Variants in LYPLA1 observed in about 807,000 individuals in gnomAD.
The protein encoded by LYPLA1 is acyl-protein thioesterase 1.
In LYPLA1, 17 loss-of-function variants were observed where a neutral mutation model predicts 34.0. The observed-to-expected ratio is 0.50, with a 90% CI of 0.34 to 0.75. The LOEUF is 0.75. Among genes scored for constraint, LYPLA1 ranks in the 30% least tolerant of loss-of-function variants. The pLI is 0.01. For synonymous variants in LYPLA1, 98 were observed against 100.8 expected (o/e 0.97, Z 0.17); for missense variants, 203 against 288.8 (o/e 0.70, Z 2.15).
intron 2 of LYPLA1, among the ~76,000 whole-genome samples, chr8:54,091,708 G>C (rs1239113150): frequency 6.6e-6 from 1 of 152,106 alleles, no homozygotes; most frequent in African/African-American, 2.4e-5. Flanking sequence ...CTAAAAGTGT[G>C]GTCACAGACA....
At chr8:54,043,542 G>C (rs530122591), downstream of LYPLA1, among the ~76,000 whole-genome samples, 142 of 151,610 alleles carry the variant, frequency 9.4e-4, no homozygotes, top group African/African-American at 3.3e-3. Flanking sequence ...CCAAAGTGCT[G>C]GGGAAACAGG....
chr8:54,062,379 G>A, intron 4 of LYPLA1, 55 bp from the exon 5 acceptor site: 1 of 1,116,586 alleles, frequency 9.0e-7, no homozygotes, highest in Non-Finnish European at 1.3e-6. Context: ...ATTGTAGTAA[G>A]TATATTTTAC....
At chr8:54,063,934 A>C (rs1359699573) in intron 3 of LYPLA1, among the ~76,000 whole-genome samples, 1 of 152,228 alleles carries the variant, frequency 6.6e-6, no homozygotes, top group Non-Finnish European at 1.5e-5. Context: ...AGCTCCATCC[A>C]AAGGAAAGAA....
At chr8:54,101,306 T>A in intron 1 of LYPLA1, 1 of 1,073,014 alleles carries the variant, frequency 9.3e-7, no homozygotes, top group Non-Finnish European at 1.1e-6. Context: ...AAAAATAAGT[T>A]TGACTTTTCA....
intron 8 of LYPLA1, among the ~76,000 whole-genome samples, chr8:54,049,073 C>G (rs576233434): frequency 6.6e-6 from 1 of 152,298 alleles, no homozygotes; most frequent in East Asian, 1.9e-4. Context: ...TTTCTGGATT[C>G]AACACTGTAA....
Position 54,047,950 on chromosome 8 carries a change from T to C in LYPLA1, c.*115A>G. 1.5e-6 allele frequency: 1 copy of C among 664,416 alleles called. No homozygotes were observed. Among genetic ancestry groups the C allele is most frequent in the South Asian group, 2.0e-5 (1 of 51,028 alleles). 41.2% of individuals were successfully genotyped at this position (664,416 alleles called of 1,614,324 possible). ...TTGATCTGTGTTATTGGCATGTATT[T>C]GCAAAACATTTTAACACTGCAAAAC... On this transcript the variant is annotated 3_prime_UTR_variant, in exon 9 of 9. Coordinates refer to ENST00000316963, the MANE Select transcript of LYPLA1 (RefSeq NM_006330.4).
intron 5 of LYPLA1, among the ~76,000 whole-genome samples, chr8:54,055,645 A>AT (rs201781407): frequency 0.13 from 18,382 of 142,206 alleles, 2,853 homozygotes; most frequent in African/African-American, 0.38. Flanking sequence ...AATCCTAATT[A>AT]TTTTTTTTTT....
chr8:54,077,417 A>C (rs549691671), intron 2 of LYPLA1, among the ~76,000 whole-genome samples: 38 of 152,296 alleles, frequency 2.5e-4, no homozygotes, highest in African/African-American at 7.2e-4. Context: ...TGGGTGACAA[A>C]ATTATCTGTA....
Position 54,053,908 on chromosome 8 carries a change from G to A in LYPLA1, c.360+1152C>T, listed in dbSNP as rs117357534. Among the ~76,000 whole-genome samples the A allele has an allele frequency of 1.7e-3, 257 of 152,300 alleles. 1 individual carries two copies. The highest frequency in any genetic ancestry group is 1.8e-3 in the Non-Finnish European group (120 of 68,032). On this transcript the variant is annotated intron_variant, in intron 6 of 8. Coordinates refer to ENST00000316963, the MANE Select transcript of LYPLA1 (RefSeq NM_006330.4). ...GCTTACTCCTTGCTTGAGGTATTGAGTTGGTTTCTATATACTGTAATGAAT... is the reference window on the plus strand; with the variant it reads ...GCTTACTCCTTGCTTGAGGTATTGAATTGGTTTCTATATACTGTAATGAAT...
At chr8:54,098,711 A>C (rs1309187180) in intron 2 of LYPLA1, among the ~76,000 whole-genome samples, 6 of 152,188 alleles carry the variant, frequency 3.9e-5, no homozygotes, top group Non-Finnish European at 8.8e-5. Flanking sequence ...ATAAAAAAGA[A>C]TGGTGTACAA....
intron 2 of LYPLA1, chr8:54,073,208 C>G (rs1261325239): frequency 3.8e-6 from 3 of 790,692 alleles, no homozygotes; most frequent in Non-Finnish European, 6.9e-6. Flanking sequence ...CAACTTGTGC[C>G]GCCCAGGGAG....
At chr8:54,051,881 T>G (rs1162050299) in intron 7 of LYPLA1, among the ~76,000 whole-genome samples, 1 of 151,796 alleles carries the variant, frequency 6.6e-6, no homozygotes, top group African/African-American at 2.4e-5. Flanking sequence ...GACAGAGTCT[T>G]GCTCTGTTAC....
At chr8:54,054,821 T>A (rs976178213) in intron 6 of LYPLA1, 77 of 395,640 alleles carry the variant, frequency 1.9e-4, no homozygotes, top group South Asian at 9.4e-5. Flanking sequence ...TTTTAATTAA[T>A]TAAAAGGATA....
chr8:54,057,124 G>A (rs1299226149), intron 5 of LYPLA1, among the ~76,000 whole-genome samples: 1 of 152,100 alleles, frequency 6.6e-6, no homozygotes, highest in Non-Finnish European at 1.5e-5. Flanking sequence ...GCAAGGATGT[G>A]GAGAAAAGAG....
intron 2 of LYPLA1, among the ~76,000 whole-genome samples, chr8:54,084,141 A>AATATATATATATATATAT (rs760476706): frequency 1.7e-5 from 2 of 118,610 alleles, no homozygotes; most frequent in Admixed American, 1.6e-4. Flanking sequence ...AAAATAAATA[A>AATATATATATATATATAT]ATATATATAT....
At chr8:54,060,689 C>CTTTTT (rs761596145) in intron 5 of LYPLA1, among the ~76,000 whole-genome samples, 7 of 123,462 alleles carry the variant, frequency 5.7e-5, no homozygotes, top group Admixed American at 8.4e-5. Context: ...TTTTTTCTTC[C>CTTTTT]TTTTTTTTTT....
intron 2 of LYPLA1, chr8:54,073,372 T>G: frequency 1.3e-6 from 1 of 793,832 alleles, no homozygotes; most frequent in Non-Finnish European, 2.3e-6. Flanking sequence ...CCATGACACC[T>G]GGCTGCCCAA....
chr8:54,060,227 A>C (rs917126224), intron 5 of LYPLA1, among the ~76,000 whole-genome samples: 3 of 151,942 alleles, frequency 2.0e-5, no homozygotes, highest in Non-Finnish European at 2.9e-5. Context: ...CCAGGTTCAA[A>C]CAATTCTCCT....
At chr8:54,095,972 CT>C (rs1809651847) in intron 2 of LYPLA1, among the ~76,000 whole-genome samples, 2 of 152,144 alleles carry the variant, frequency 1.3e-5, no homozygotes, top group South Asian at 4.1e-4. Flanking sequence ...TGATCCTAGA[CT>C]GATAAAGGAC....
Sources: allele counts gnomAD v4.1 joint callset (sites outside exome capture counted in the v4.1 genomes callset), GRCh38; gene constraint gnomAD v4.1.1; transcripts MANE v1.5; gene names NCBI Gene and HGNC (gene_info 2026-07-23, HGNC 2026-07-21).